The following PCDH15 variants were observed in gnomAD, a reference collection of about 807,000 sequenced individuals.
PCDH15 encodes protocadherin-15.
In PCDH15, 129 loss-of-function variants were observed where a neutral mutation model predicts 178.5. That is an observed-to-expected ratio of 0.72 (90% CI 0.63 to 0.84). The LOEUF (loss-of-function observed/expected upper bound fraction) is 0.84. PCDH15 is among the 40% of genes least tolerant of loss of function. The pLI, the probability that PCDH15 is intolerant of heterozygous loss-of-function variation, is 0.00. For missense variants in PCDH15, 2,230 were observed against 2,099.9 expected, an observed-to-expected ratio of 1.06 and a Z score of -1.21; for synonymous variants, 800 against 732.0, an observed-to-expected ratio of 1.09 and a Z score of -1.50.
At chr10:54,112,914 G>A (rs917774954) in intron 15 of PCDH15, among the ~76,000 whole-genome samples, 3 of 152,128 alleles carry the variant, frequency 2.0e-5, no homozygotes, top group Non-Finnish European at 4.4e-5. Flanking sequence ...GATTAGTTAC[G>A]TAGACTGAAG....
At chr10:54,049,595 CA>C (rs1191484888) in intron 18 of PCDH15, among the ~76,000 whole-genome samples, 2 of 151,328 alleles carry the variant, frequency 1.3e-5, no homozygotes, top group Non-Finnish European at 2.9e-5. Flanking sequence ...TGGATTTTAT[CA>C]AAAGCTTTTT....
At chr10:55,453,410 G>T (rs996427707) in intron 2 of PCDH15, among the ~76,000 whole-genome samples, 1 of 152,182 alleles carries the variant, frequency 6.6e-6, no homozygotes, top group Non-Finnish European at 1.5e-5. Context: ...AAAAGATGCT[G>T]AGTAGGAAGC....
At chr10:54,327,701 T>C (rs543186712) in intron 7 of PCDH15, among the ~76,000 whole-genome samples, 1 of 152,042 alleles carries the variant, frequency 6.6e-6, no homozygotes, top group Admixed American at 6.6e-5. Flanking sequence ...AACAGCTAAT[T>C]GAGGTTATTT....
chr10:55,271,710 C>A (rs890587428), intron 1 of PCDH15, among the ~76,000 whole-genome samples: 6 of 152,066 alleles, frequency 3.9e-5, no homozygotes, highest in African/African-American at 1.5e-4. Flanking sequence ...TTCCCAAACA[C>A]TGTGGTACTA....
chr10:54,830,703 A>G (rs898246745), intron 3 of PCDH15, among the ~76,000 whole-genome samples: 50 of 151,666 alleles, frequency 3.3e-4, no homozygotes, highest in African/African-American at 1.2e-3. Flanking sequence ...CCTGCACATT[A>G]TGTACATGTA....
intron 32 of PCDH15, among the ~76,000 whole-genome samples, chr10:53,824,831 T>C (rs1198118302): frequency 6.6e-6 from 1 of 152,018 alleles, no homozygotes; most frequent in East Asian, 1.9e-4. Flanking sequence ...TTTCTATTTA[T>C]AGATTTGTAA....
chr10:55,247,368 T>C (rs2132219108), intron 1 of PCDH15, among the ~76,000 whole-genome samples: 1 of 152,306 alleles, frequency 6.6e-6, no homozygotes, highest in Admixed American at 6.5e-5. Flanking sequence ...AATGGCCTAG[T>C]CAAACAGGCC....
chr10:54,467,834 G>T (rs2077633840), intron 3 of PCDH15, among the ~76,000 whole-genome samples: 2 of 151,456 alleles, frequency 1.3e-5, no homozygotes, highest in East Asian at 3.9e-4. Flanking sequence ...TATTGTTGAT[G>T]TAATCTTATT....
At chr10:54,940,809 C>G (rs976085681) in intron 2 of PCDH15, among the ~76,000 whole-genome samples, 2 of 147,480 alleles carry the variant, frequency 1.4e-5, no homozygotes, top group African/African-American at 2.5e-5. Context: ...TAAAAAAAAA[C>G]TTTTTATAGT....
chr10:54,475,332 C>A (rs1319479032), intron 3 of PCDH15, among the ~76,000 whole-genome samples: 2 of 151,900 alleles, frequency 1.3e-5, no homozygotes, highest in Non-Finnish European at 2.9e-5. Context: ...CATGACCAGC[C>A]ATCTTAATTT....
intron 2 of PCDH15, among the ~76,000 whole-genome samples, chr10:54,927,930 T>A (rs1034059858): frequency 1.3e-5 from 2 of 152,112 alleles, no homozygotes; most frequent in Non-Finnish European, 2.9e-5. Context: ...ACTTAGCCCA[T>A]ATACATTCAA....
intron 3 of PCDH15, among the ~76,000 whole-genome samples, chr10:54,895,654 A>G (rs775502835): frequency 6.6e-6 from 1 of 152,064 alleles, no homozygotes; most frequent in Non-Finnish European, 1.5e-5. Context: ...CCTCTGCAAA[A>G]CATTGTTTTG....
intron 4 of PCDH15, among the ~76,000 whole-genome samples, chr10:54,375,794 T>C (rs1164836512): frequency 2.4e-4 from 34 of 142,536 alleles, no homozygotes; most frequent in African/African-American, 8.6e-4. Flanking sequence ...AAATGGAATA[T>C]ATATATATAA....
intron 2 of PCDH15, among the ~76,000 whole-genome samples, chr10:55,424,474 T>C (rs1838702415): frequency 6.6e-6 from 1 of 152,172 alleles, no homozygotes; most frequent in Admixed American, 6.6e-5. Context: ...ATTAACTAAA[T>C]AGCCCCAGGG....
chr10:54,929,545 CT>C (rs1426668181), intron 2 of PCDH15, among the ~76,000 whole-genome samples: 2 of 152,192 alleles, frequency 1.3e-5, no homozygotes, highest in African/African-American at 4.8e-5. Flanking sequence ...TACCTTAGAT[CT>C]TCCATAATTT....
chr10:54,567,531 A>G (rs923086965), intron 2 of PCDH15, among the ~76,000 whole-genome samples: 4 of 152,126 alleles, frequency 2.6e-5, no homozygotes, highest in African/African-American at 7.2e-5. Context: ...ATTATGAAAT[A>G]GTTGTATTTT....
At chr10:54,167,118 C>T (rs942406064) in intron 13 of PCDH15, among the ~76,000 whole-genome samples, 7 of 152,282 alleles carry the variant, frequency 4.6e-5, no homozygotes, top group East Asian at 1.9e-4. Context: ...TTCACATGGA[C>T]GCGCATGAAA....
intron 1 of PCDH15, among the ~76,000 whole-genome samples, chr10:55,304,655 G>A (rs954761633): frequency 6.6e-6 from 1 of 152,124 alleles, no homozygotes; most frequent in Non-Finnish European, 1.5e-5. Flanking sequence ...TGGTGTACAA[G>A]TTCTGAACTA....
At chr10:54,030,104 A>C (rs992784397) in intron 18 of PCDH15, among the ~76,000 whole-genome samples, 1 of 152,108 alleles carries the variant, frequency 6.6e-6, no homozygotes, top group Admixed American at 6.6e-5. Flanking sequence ...TGAGGACAAA[A>C]CCAAAATGTT....
Sources: gnomAD v4.1 joint callset for allele counts (sites outside exome capture counted in the v4.1 genomes callset) on GRCh38, gnomAD v4.1.1 for gene constraint, MANE v1.5 for transcripts, NCBI Gene and HGNC (gene_info 2026-07-23, HGNC 2026-07-21) for gene names.